The following DUSP18 variants were observed in gnomAD, a reference collection of about 807,000 sequenced individuals.
The protein encoded by DUSP18 is dual specificity phosphatase 18, also known as dual specificity protein phosphatase 18.
Under a neutral mutation model 6.3 loss-of-function variants are expected in DUSP18, and 4 were observed. The ratio of observed to expected loss-of-function variants is 0.63; its 90% CI spans 0.31 to 1.45. The LOEUF (loss-of-function observed/expected upper bound fraction) is 1.45. Ranked by LOEUF, DUSP18 falls within the 40% of genes most tolerant of loss-of-function variation. DUSP18 has a pLI of 0.07. For synonymous variants in DUSP18, 96 were observed against 95.1 expected, an observed-to-expected ratio of 1.01 and a Z score of -0.05; for missense variants, 235 against 247.7, an observed-to-expected ratio of 0.95 and a Z score of 0.34.
intron 2 of DUSP18, among the ~76,000 whole-genome samples, chr22:30,653,435 G>A (rs1298286853): frequency 3.3e-5 from 5 of 150,592 alleles, no homozygotes; most frequent in South Asian, 2.1e-4. Flanking sequence ...GCAGTGGTGC[G>A]ATCTCGGCTC....
rs2088509275 is a variant in DUSP18, at chr22:30,662,561, G to A, written c.*876C>T. The A allele has an allele frequency of 6.6e-6, 1 of 152,072 alleles. No individual in the cohort carries two copies. Among genetic ancestry groups the A allele is most frequent in the Non-Finnish European group, 1.5e-5 (1 of 68,040 alleles). 9.4% of individuals were successfully genotyped at this position (152,072 alleles called of 1,614,324 possible). On this transcript the variant is annotated 3_prime_UTR_variant, in exon 2 of 2. Coordinates refer to ENST00000334679, the MANE Select transcript of DUSP18 (RefSeq NM_152511.5). ...TAAATTTTTTATACAGTGGTATCGGGGTACAGTGGCTCATCAACACTTTGG... is the reference window on the plus strand; with the variant it reads ...TAAATTTTTTATACAGTGGTATCGGAGTACAGTGGCTCATCAACACTTTGG...
chr22:30,654,188 G>C (rs1178558492), intron 2 of DUSP18: 2 of 268,394 alleles, frequency 7.5e-6, no homozygotes, highest in Non-Finnish European at 1.5e-5. Context: ...GTTTCACCAT[G>C]TTAGCCAGGA....
chr22:30,653,623 C>CA (rs1373796989), intron 2 of DUSP18, among the ~76,000 whole-genome samples: 1 of 152,046 alleles, frequency 6.6e-6, no homozygotes, highest in Non-Finnish European at 1.5e-5. Flanking sequence ...CCCGCCCCCC[C>CA]TCGGCCTCCC....
intron 1 of DUSP18, 132 bp downstream of exon 1, chr22:30,667,330 C>T (rs1318712337): frequency 6.6e-6 from 1 of 152,238 alleles, no homozygotes; most frequent in Non-Finnish European, 1.5e-5. Flanking sequence ...AAGTTATAAA[C>T]ATGGAACAAA....
rs1324699511 is a variant in DUSP18 at position 30,663,559 on chromosome 22, C to T, written c.445G>A (p.Glu149Lys). 1 of 1,614,182 alleles carries T rather than the reference C, an allele frequency of 6.2e-7. No individual in the cohort carries two copies. The highest frequency in any genetic ancestry group is 8.5e-7 in the Non-Finnish European group (1 of 1,180,028). The change falls in exon 2 of 2, where the codon GAG becomes AAG. Residue 149 changes from glutamate (E) to lysine (K), a missense_variant. Physicochemically the swap from Glu to Lys is moderately conservative, Grantham distance 56. Transcript: ENST00000334679. ...PIIRPNSGFW[E>K]QLIHYEFQLF... ...TGGAACTCATAGTGGATGAGCTGCT[C>T]CCAAAAGCCGCTGTTGGGTCGGATG...
chr22:30,665,444 G>T, intron 1 of DUSP18: 1 of 456,692 alleles, frequency 2.2e-6, no homozygotes. Flanking sequence ...CCAGCCAGTG[G>T]CCTTTGCCCC....
chr22:30,665,379 A>G (rs2088611031), intron 1 of DUSP18: 1 of 327,194 alleles, frequency 3.1e-6, no homozygotes, highest in Admixed American at 3.8e-5. Flanking sequence ...CCATGCTCTG[A>G]AGGGCCTCAG....
At chr22:30,655,410 T>A (rs2088315659) in intron 2 of DUSP18, among the ~76,000 whole-genome samples, 1 of 113,560 alleles carries the variant, frequency 8.8e-6, no homozygotes. Context: ...CCACTCTGGG[T>A]AACAGAGTGA....
chr22:30,654,020 C>T (rs2088282322), intron 2 of DUSP18: 1 of 153,644 alleles, frequency 6.5e-6, no homozygotes, highest in East Asian at 1.9e-4. Context: ...CACTCTGTCG[C>T]CCAGGCTGGA....
intron 1 of DUSP18, among the ~76,000 whole-genome samples, chr22:30,666,415 G>A (rs1405247084): frequency 2.6e-5 from 4 of 152,094 alleles, no homozygotes; most frequent in African/African-American, 9.7e-5. Context: ...GAGGTCAGGA[G>A]TTCAAGACCA....
Position 30,663,939 on chromosome 22 carries a change from T to C in DUSP18, c.65A>G (p.Gln22Arg). Reference sequence around the variant, plus strand: ...GCTGATATACAGGCTTTTGGTTATCTGCGAGAGGCCGCTGACTGAGGGCTG... The same window carrying C: ...GCTGATATACAGGCTTTTGGTTATCCGCGAGAGGCCGCTGACTGAGGGCTG... Reference protein sequence around the residue: ...FRQPSVSGLSQITKSLYISNG... With the variant: ...FRQPSVSGLSRITKSLYISNG... Residue 22 changes from glutamine (Q) to arginine (R), a missense_variant, in exon 2 of 2, where the codon CAG becomes CGG. Transcript: ENST00000334679. 2 of 1,614,208 alleles carry C rather than the reference T, an allele frequency of 1.2e-6. No homozygotes were observed. The highest frequency in any genetic ancestry group is 1.7e-6 in the Non-Finnish European group (2 of 1,180,036).
In DUSP18 at chr22:30,663,660, C is replaced by T. The variant is rs1340626696; in HGVS notation, c.344G>A (p.Cys115Tyr). ...GTGGTACTTCATGAGGTAGGCGAGG[C>T]ACAGGGCAGCTGAGCGGCTCACACC... ...AAGVSRSAAL[C>Y]LAYLMKYHAM... is the part of the protein sequence containing the mutation. The change falls in exon 2 of 2, where the codon TGC becomes TAC. Residue 115 changes from cysteine (C) to tyrosine (Y), a missense_variant. Cys to Tyr is a radical substitution (Grantham distance 194). Coordinates refer to ENST00000334679, the MANE Select transcript of DUSP18 (RefSeq NM_152511.5). 6.2e-7 allele frequency: 1 copy of T among 1,614,102 alleles called. No homozygotes were observed. Among genetic ancestry groups the T allele is most frequent in the East Asian group, 2.2e-5 (1 of 44,900 alleles).
chr22:30,657,652 C>G (rs889084870), downstream of DUSP18, among the ~76,000 whole-genome samples: 15 of 151,818 alleles, frequency 9.9e-5, no homozygotes, highest in South Asian at 1.9e-3. Context: ...TGCCTGTAAT[C>G]CCAGTACTTT....
intron 2 of DUSP18, chr22:30,653,796 A>G (rs955167846): frequency 2.6e-5 from 4 of 152,206 alleles, no homozygotes; most frequent in Admixed American, 6.5e-5. Context: ...CCCAAAATCA[A>G]TCAAGCCAAA....
chr22:30,657,628 G>A (rs1238288024), downstream of DUSP18, among the ~76,000 whole-genome samples: 1 of 151,916 alleles, frequency 6.6e-6, no homozygotes, highest in Non-Finnish European at 1.5e-5. Flanking sequence ...AAATAGGCCA[G>A]GCGCGGTGGC....
intron 2 of DUSP18, among the ~76,000 whole-genome samples, chr22:30,652,884 T>C (rs1022047568): frequency 2.6e-5 from 4 of 152,200 alleles, no homozygotes; most frequent in African/African-American, 9.6e-5. Context: ...CCTTCCCACA[T>C]TGACTACACA....
Position 30,663,244 on chromosome 22 carries a change from C to T in DUSP18, c.*193G>A. 1 of 623,818 alleles carries T rather than the reference C, an allele frequency of 1.6e-6. No homozygotes were observed. Among genetic ancestry groups the T allele is most frequent in the South Asian group, 2.2e-5 (1 of 45,926 alleles). The allele number at this position is 623,818 out of a possible 1,614,324, so 38.6% of individuals were successfully genotyped here. On this transcript the variant is annotated 3_prime_UTR_variant, in exon 2 of 2. Transcript: ENST00000334679. ...AGGGCAGAAAATTTATCTTCACCAT[C>T]TCACAATTAGTTTAATCTTAAAAAA...
rs2088544957 is a variant in DUSP18, at chr22:30,663,515, A to T, written c.489T>A (p.Thr163=). The T allele has an allele frequency of 6.2e-7, 1 of 1,614,194 alleles. No individual in the cohort carries two copies. Residue 163 remains threonine (T), a synonymous_variant, in exon 2 of 2, where the codon ACT becomes ACA. Transcript: ENST00000334679. ...HYEFQLFGKN[T]VHMVSSPVGM... ...CCACTGGGGAACTGACCATGTGCACAGTGTTCTTGCCAAACAATTGGAACT... is the reference window on the plus strand; with the variant it reads ...CCACTGGGGAACTGACCATGTGCACTGTGTTCTTGCCAAACAATTGGAACT...
At chr22:30,665,166 C>T (rs557116406) in intron 1 of DUSP18, 1 of 170,622 alleles carries the variant, frequency 5.9e-6, no homozygotes, top group South Asian at 1.3e-4. Context: ...GAAATAGGGA[C>T]ATTTGGATTT....
Sources: gnomAD v4.1 joint callset for allele counts (sites outside exome capture counted in the v4.1 genomes callset) on GRCh38, gnomAD v4.1.1 for gene constraint, MANE v1.5 for transcripts, NCBI Gene and HGNC (gene_info 2026-07-23, HGNC 2026-07-21) for gene names.